The following ZNF558 variants were observed in gnomAD, a reference collection of about 807,000 sequenced individuals.
ZNF558 encodes the protein zinc finger protein 558.
ZNF558 carries 23 observed loss-of-function variants against 37.6 expected under a neutral mutation model. That is an observed-to-expected ratio of 0.61 (90% CI 0.44 to 0.87). The LOEUF (loss-of-function observed/expected upper bound fraction) is 0.87. ZNF558 is among the 40% of genes least tolerant of loss of function. The probability of loss-of-function intolerance (pLI) is 0.00; values close to 1 mark genes in which losing one functional copy is unlikely to be tolerated. For missense variants in ZNF558, 429 were observed against 483.7 expected (o/e 0.89, Z 1.06); for synonymous variants, 189 against 174.4 (o/e 1.08, Z -0.66).
At chr19:8,834,715 A>G (rs2044436212), upstream of ZNF558, among the ~76,000 whole-genome samples, 1 of 152,176 alleles carries the variant, frequency 6.6e-6, no homozygotes, top group Non-Finnish European at 1.5e-5. Context: ...ACCATGTACA[A>G]AAGTGAGCTC....
chr19:8,813,279 C>G, intron 7 of ZNF558, 57 bp from the exon 8 acceptor site: 1 of 1,398,246 alleles, frequency 7.2e-7, no homozygotes, highest in Non-Finnish European at 9.9e-7. Context: ...CAACCAAGTC[C>G]ATGAAAGAAA....
At chr19:8,821,632 C>A (rs1295139845) in intron 6 of ZNF558, 27 of 1,325,452 alleles carry the variant, frequency 2.0e-5, no homozygotes, top group Non-Finnish European at 2.4e-5. Flanking sequence ...TTATTTCCCT[C>A]AATCTCCAGG....
At position 8,822,775 on chromosome 19, in the gene ZNF558, C is replaced by T; in HGVS notation, c.-65-51G>A. 1.3e-6 allele frequency: 2 copies of T among 1,547,184 alleles called. No homozygotes were observed. Among genetic ancestry groups the T allele is most frequent in the East Asian group, 2.3e-5 (1 of 44,178 alleles). On this transcript the variant is annotated intron_variant, in intron 4 of 9. Coordinates refer to ENST00000601372, the MANE Select transcript of ZNF558 (RefSeq NM_144693.3). This position sits in a 1 kb window ranked among gnomAD's most constrained non-coding sequence, Gnocchi z 4.4. ...TCTCCGTGGCCTCCTCCCTCTCGGGCTGCTGGGGATGGGCCCTCCTCAACC... is the reference window on the plus strand; with the variant it reads ...TCTCCGTGGCCTCCTCCCTCTCGGGTTGCTGGGGATGGGCCCTCCTCAACC...
At chr19:8,832,022 G>A (rs1395125376) in intron 1 of ZNF558, 187 bp downstream of exon 1, 1 of 152,422 alleles carries the variant, frequency 6.6e-6, no homozygotes, top group Non-Finnish European at 1.5e-5. Flanking sequence ...GGTTCCCTGA[G>A]GAGGCAACAG....
rs2043777196 is a variant in ZNF558 at position 8,811,181 on chromosome 19, T to C, written c.*100A>G. The C allele has an allele frequency of 1.5e-6, 2 of 1,298,124 alleles. No individual in the cohort carries two copies. Among genetic ancestry groups the C allele is most frequent in the African/African-American group, 1.5e-5 (1 of 67,364 alleles). The allele number at this position is 1,298,124 out of a possible 1,614,324, so 80.4% of individuals were successfully genotyped here. On this transcript the variant is annotated 3_prime_UTR_variant, in exon 10 of 10. Transcript: ENST00000601372. ...CAAAATTTGCGGGGATCATTTGTTA[T>C]GCTGCAACAAATAACTTATATATCC...
At chr19:8,836,081 C>T (rs542037601), upstream of ZNF558, among the ~76,000 whole-genome samples, 54 of 152,132 alleles carry the variant, frequency 3.5e-4, no homozygotes, top group Non-Finnish European at 1.3e-4. Context: ...GTGACGATTG[C>T]GCAACTGTGT....
intron 7 of ZNF558, among the ~76,000 whole-genome samples, chr19:8,814,829 A>G (rs1223673521): frequency 6.6e-6 from 1 of 152,220 alleles, no homozygotes; most frequent in Non-Finnish European, 1.5e-5. Context: ...CATGACAAAT[A>G]CAGACATTAC....
In ZNF558 at chr19:8,822,509, TG is replaced by T. The variant is rs1487037112; in HGVS notation, c.31+119del. ...TGCCCGATCAGACACGGAGGACCTC[TG>T]GGCCCCTGGGGCTCCACTCCTGCCT... On this transcript the variant is annotated intron_variant, in intron 5 of 9. Transcript: ENST00000601372. The surrounding 1 kb of genome is among the most constrained non-coding windows in gnomAD (Gnocchi z 4.4). The T allele has an allele frequency of 3.5e-6, 5 of 1,432,598 alleles. No homozygotes were observed. Among genetic ancestry groups the T allele is most frequent in the Non-Finnish European group, 4.9e-6 (5 of 1,029,756 alleles). The allele number at this position is 1,432,598 out of a possible 1,614,324, so 88.7% of individuals were successfully genotyped here.
intron 9 of ZNF558, 97 bp downstream of exon 9, chr19:8,812,464 C>G: frequency 2.7e-6 from 2 of 750,490 alleles, no homozygotes; most frequent in South Asian, 5.4e-5. Flanking sequence ...ATAAATGACA[C>G]TTTCCTTTAA....
chr19:8,819,939 G>A (rs2044041098), intron 7 of ZNF558, among the ~76,000 whole-genome samples: 1 of 152,140 alleles, frequency 6.6e-6, no homozygotes, highest in Non-Finnish European at 1.5e-5. Flanking sequence ...GAGGGAGACT[G>A]TGTCAAAACA....
chr19:8,821,674 G>A, intron 6 of ZNF558: 1 of 1,306,402 alleles, frequency 7.7e-7, no homozygotes, highest in Non-Finnish European at 9.8e-7. Context: ...GCAGAAAGCA[G>A]AGAAATACTT....
Position 8,822,234 on chromosome 19 carries a change from C to A in ZNF558, c.32-143G>T. On this transcript the variant is annotated intron_variant, in intron 5 of 9. Transcript: ENST00000601372. The surrounding 1 kb of genome is among the most constrained non-coding windows in gnomAD (Gnocchi z 4.4). ...CCTACGCTCCATGCAAACACCTACC[C>A]ACAGCTCTCCTAAGATACCCAAACA... 1.0e-6 allele frequency: 1 copy of A among 978,744 alleles called. No individual in the cohort carries two copies. The highest frequency in any genetic ancestry group is 1.5e-6 in the Non-Finnish European group (1 of 664,152). 60.6% of individuals were successfully genotyped at this position (978,744 alleles called of 1,614,324 possible).
Position 8,812,004 on chromosome 19 carries a change from G to A in ZNF558, c.486C>T (p.Ser162=), listed in dbSNP as rs781866484. 6.2e-7 allele frequency: 1 copy of A among 1,613,036 alleles called. No individual in the cohort carries two copies. The highest frequency in any genetic ancestry group is 8.5e-7 in the Non-Finnish European group (1 of 1,179,468). ...NECNQCFKVF[S]TKSNLTQHKR... is the part of the protein sequence containing the mutation. ...TGTGCTGAGTTAGGTTAGATTTCGT[G>A]CTGAAGACTTTAAAACACTGATTAC... The change falls in exon 10 of 10, where the codon AGC becomes AGT. Residue 162 remains serine, a synonymous_variant. Transcript: ENST00000601372.
In ZNF558 at chr19:8,822,123, AG is replaced by A. The variant is rs1228784535; in HGVS notation, c.32-33del. On this transcript the variant is annotated intron_variant, in intron 5 of 9. Coordinates refer to ENST00000601372, the MANE Select transcript of ZNF558 (RefSeq NM_144693.3). This position sits in a 1 kb window ranked among gnomAD's most constrained non-coding sequence, Gnocchi z 4.4. ...GAGGAGAAATGAGTCCCATGGATTC[AG>A]GCTTGTCTGACACCCACAGATCTGC... 1 of 1,613,024 alleles carries A rather than the reference AG, an allele frequency of 6.2e-7. No homozygotes were observed. The highest frequency in any genetic ancestry group is 1.7e-5 in the Admixed American group (1 of 59,938).
intron 7 of ZNF558, among the ~76,000 whole-genome samples, chr19:8,819,638 A>G (rs2044030886): frequency 6.6e-6 from 1 of 152,172 alleles, no homozygotes; most frequent in Non-Finnish European, 1.5e-5. Flanking sequence ...AAACAACCCA[A>G]GTAAAACATG....
upstream of ZNF558, among the ~76,000 whole-genome samples, chr19:8,837,192 C>G (rs1351729125): frequency 5.3e-5 from 8 of 152,136 alleles, no homozygotes; most frequent in Non-Finnish European, 1.0e-4. Flanking sequence ...ATACCCAAAG[C>G]TGTACGAATG....
Position 8,813,165 on chromosome 19 carries a change from AC to A in ZNF558, c.304del (p.Val102Ter). 6.3e-7 allele frequency: 1 copy of A among 1,599,294 alleles called. No individual in the cohort carries two copies. The highest frequency in any genetic ancestry group is 8.5e-7 in the Non-Finnish European group (1 of 1,172,306). ...TGGTAGAATTCCTCTTTCCTCTGTC[AC>A]CACCTTCTTGTCTTGTTCCAACTGG... is the stretch of plus-strand genomic sequence containing the variant. ...ISQLEQDKKVVTEERGILPST... is the reference protein window; with the variant it reads ...ISQLEQDKKVXTEERGILPST... On this transcript the variant is annotated frameshift_variant, in exon 8 of 10. Transcript: ENST00000601372. LOFTEE classifies it high-confidence loss of function.
chr19:8,828,866 G>A (rs1464386253), intron 2 of ZNF558, among the ~76,000 whole-genome samples: 2 of 152,008 alleles, frequency 1.3e-5, no homozygotes, highest in African/African-American at 4.8e-5. Flanking sequence ...GGGAGGCTGA[G>A]GCAGGAAAAT....
chr19:8,826,079 T>A (rs542800376), intron 2 of ZNF558, among the ~76,000 whole-genome samples: 1 of 152,042 alleles, frequency 6.6e-6, no homozygotes, highest in Admixed American at 6.5e-5. Context: ...GCCCTGCTGG[T>A]GTTGATGATG....
Sources: gnomAD v4.1 joint callset for allele counts (sites outside exome capture counted in the v4.1 genomes callset) on GRCh38, gnomAD v4.1.1 for gene constraint, Gnocchi (gnomAD v3.1) non-coding constraint, MANE v1.5 for transcripts, NCBI Gene and HGNC (gene_info 2026-07-23, HGNC 2026-07-21) for gene names.